Variants in NXPE2 observed in about 807,000 individuals in gnomAD.
The protein encoded by NXPE2 is neurexophilin and PC-esterase domain family member 2.
In NXPE2, 34 loss-of-function variants were observed where a neutral mutation model predicts 34.4. The ratio of observed to expected loss-of-function variants is 0.99; its 90% CI spans 0.75 to 1.31. The LOEUF is 1.31. Among genes scored for constraint, NXPE2 ranks in the 40% most tolerant of loss-of-function variants. NXPE2 has a pLI of 0.00. For missense variants in NXPE2, 649 were observed against 672.5 expected, an observed-to-expected ratio of 0.97 and a Z score of 0.39; for synonymous variants, 235 against 231.3, an observed-to-expected ratio of 1.02 and a Z score of -0.15.
the NXPE2 span, among the ~76,000 whole-genome samples, chr11:114,628,576 C>T: frequency 6.7e-6 from 1 of 149,438 alleles, no homozygotes; most frequent in African/African-American, 2.5e-5. Flanking sequence ...CAGGAAAGAT[C>T]CAAAATTGAC....
At chr11:114,521,204 G>T in the NXPE2 span, among the ~76,000 whole-genome samples, 5 of 152,038 alleles carry the variant, frequency 3.3e-5, no homozygotes, top group African/African-American at 1.2e-4. Flanking sequence ...TTTCCCTTTT[G>T]TTGCCAATTT....
the NXPE2 span, among the ~76,000 whole-genome samples, chr11:114,613,488 A>C: frequency 6.6e-6 from 1 of 151,980 alleles, no homozygotes; most frequent in South Asian, 2.1e-4. Context: ...CCTCGTGGGT[A>C]ACCACTATTA....
At chr11:114,750,984 G>C in the NXPE2 span, among the ~76,000 whole-genome samples, 4 of 152,012 alleles carry the variant, frequency 2.6e-5, no homozygotes, top group East Asian at 3.9e-4. Flanking sequence ...CTTGTTGTGG[G>C]GGTGGGGGGT....
chr11:114,495,323 C>T, the NXPE2 span, among the ~76,000 whole-genome samples: 1 of 152,078 alleles, frequency 6.6e-6, no homozygotes, highest in Non-Finnish European at 1.5e-5. Flanking sequence ...TCTCTGGCTG[C>T]TGGTGGGTCC....
chr11:114,735,503 G>T, the NXPE2 span, among the ~76,000 whole-genome samples: 1 of 152,008 alleles, frequency 6.6e-6, no homozygotes, highest in Non-Finnish European at 1.5e-5. Flanking sequence ...AAAATGGGGG[G>T]GTTAAAATTA....
the NXPE2 span, among the ~76,000 whole-genome samples, chr11:114,632,320 T>C: frequency 7.3e-6 from 1 of 136,392 alleles, no homozygotes; most frequent in East Asian, 2.0e-4. Context: ...ATACTTATTA[T>C]CCACTGGGTA....
At chr11:114,693,280 A>G (rs1159320590) in intron 2 of NXPE2, among the ~76,000 whole-genome samples, 2 of 152,224 alleles carry the variant, frequency 1.3e-5, no homozygotes, top group African/African-American at 4.8e-5. Flanking sequence ...AGGACAAATA[A>G]TGGACACCTC....
chr11:114,578,739 A>G, the NXPE2 span, among the ~76,000 whole-genome samples: 1 of 152,192 alleles, frequency 6.6e-6, no homozygotes, highest in Admixed American at 6.6e-5. Flanking sequence ...ATGGTTTTGT[A>G]GGTGAGATGG....
the NXPE2 span, among the ~76,000 whole-genome samples, chr11:114,660,849 A>C: frequency 6.6e-6 from 1 of 152,190 alleles, no homozygotes; most frequent in Non-Finnish European, 1.5e-5. Flanking sequence ...GAAAATTCCA[A>C]AGAATCTACA....
chr11:114,753,357 C>A, the NXPE2 span, among the ~76,000 whole-genome samples: 1 of 151,940 alleles, frequency 6.6e-6, no homozygotes, highest in African/African-American at 2.4e-5. Context: ...TGCTCTACTG[C>A]ACGTCAGCCT....
At chr11:114,513,890 T>G in the NXPE2 span, among the ~76,000 whole-genome samples, 10 of 152,156 alleles carry the variant, frequency 6.6e-5, no homozygotes, top group African/African-American at 1.9e-4. Context: ...ATTCATTAAA[T>G]TTTGAATCGG....
the NXPE2 span, among the ~76,000 whole-genome samples, chr11:114,542,716 A>G: frequency 6.6e-6 from 1 of 152,168 alleles, no homozygotes; most frequent in East Asian, 1.9e-4. Context: ...AATATTGCTC[A>G]TTAGAGGGAA....
the NXPE2 span, among the ~76,000 whole-genome samples, chr11:114,504,757 A>G: frequency 2.6e-5 from 4 of 152,222 alleles, no homozygotes; most frequent in Non-Finnish European, 4.4e-5. Flanking sequence ...TTGAAGGTAG[A>G]TAAGCCCACA....
At chr11:114,793,711 A>T in the NXPE2 span, among the ~76,000 whole-genome samples, 1 of 152,202 alleles carries the variant, frequency 6.6e-6, no homozygotes, top group Non-Finnish European at 1.5e-5. Context: ...GAAAGGCCAG[A>T]TGGTGATGAG....
chr11:114,731,207 T>TA, the NXPE2 span, among the ~76,000 whole-genome samples: 31,482 of 151,952 alleles, frequency 0.21, 3,846 homozygotes, highest in East Asian at 0.37. Flanking sequence ...TATTTAAAAT[T>TA]AAAAAAATAG....
the NXPE2 span, among the ~76,000 whole-genome samples, chr11:114,577,763 G>A: frequency 6.6e-6 from 1 of 151,940 alleles, no homozygotes; most frequent in African/African-American, 2.4e-5. Context: ...GGTACTAATT[G>A]GTCTTTACAT....
chr11:114,648,212 G>A, the NXPE2 span, among the ~76,000 whole-genome samples: 2 of 152,142 alleles, frequency 1.3e-5, no homozygotes, highest in African/African-American at 4.8e-5. Flanking sequence ...GAGGGGCCCC[G>A]AGATGACCTT....
the NXPE2 span, among the ~76,000 whole-genome samples, chr11:114,654,162 A>T: frequency 7.9e-5 from 12 of 152,220 alleles, no homozygotes; most frequent in Admixed American, 7.9e-4. Flanking sequence ...TCAGCCTGGC[A>T]TTGAAGTCTC....
At chr11:114,671,865 A>G in the NXPE2 span, among the ~76,000 whole-genome samples, 1 of 152,044 alleles carries the variant, frequency 6.6e-6, no homozygotes, top group Non-Finnish European at 1.5e-5. Context: ...CACACACTAT[A>G]TTAGTCTGTT....
Sources: gnomAD v4.1 joint callset for allele counts (sites outside exome capture counted in the v4.1 genomes callset) on GRCh38, gnomAD v4.1.1 for gene constraint, MANE v1.5 for transcripts, NCBI Gene and HGNC (gene_info 2026-07-23, HGNC 2026-07-21) for gene names.